The following RGS7BP variants were observed in gnomAD, a reference collection of about 807,000 sequenced individuals.
RGS7BP encodes regulator of G protein signaling 7 binding protein.
In RGS7BP, 9 loss-of-function variants were observed where a neutral mutation model predicts 31.3. That is an observed-to-expected ratio of 0.29 (90% CI 0.17 to 0.50). The LOEUF (loss-of-function observed/expected upper bound fraction) is 0.50. RGS7BP is among the 20% of genes least tolerant of loss of function. The pLI is 0.98. For missense variants in RGS7BP, 274 were observed against 322.0 expected (o/e 0.85, Z 1.14); for synonymous variants, 115 against 120.1 (o/e 0.96, Z 0.28).
At chr5:64,599,701 A>G (rs1243087617) in intron 5 of RGS7BP, among the ~76,000 whole-genome samples, 2 of 152,238 alleles carry the variant, frequency 1.3e-5, no homozygotes, top group Non-Finnish European at 2.9e-5. Flanking sequence ...TGACCACCAC[A>G]TGGAAGATTG....
Position 64,506,827 on chromosome 5 carries a change from T to G in RGS7BP, c.165+38T>G. The G allele has an allele frequency of 2.8e-6, 4 of 1,427,210 alleles. No homozygotes were observed. Among genetic ancestry groups the G allele is most frequent in the Non-Finnish European group, 1.9e-6 (2 of 1,050,048 alleles). The allele number at this position is 1,427,210 out of a possible 1,614,324, so 88.4% of individuals were successfully genotyped here. On this transcript the variant is annotated intron_variant, in intron 1 of 5. Coordinates refer to ENST00000334025, the MANE Select transcript of RGS7BP (RefSeq NM_001029875.3). This position sits in a 1 kb window ranked among gnomAD's most constrained non-coding sequence, Gnocchi z 4.6. ...TGCGCCTCTTTTTTTTTTTTTTTAA[T>G]TGAGAGGGGGTGGGGGGAGTCATGT...
At chr5:64,559,556 T>C (rs1742004031) in intron 2 of RGS7BP, among the ~76,000 whole-genome samples, 1 of 152,198 alleles carries the variant, frequency 6.6e-6, no homozygotes, top group African/African-American at 2.4e-5. Flanking sequence ...GCTGGCATGT[T>C]GTATTATTTC....
rs10624566 is a variant in RGS7BP, at chr5:64,556,417, CCACACACACACACACACACACA to C, written c.333-19334_333-19313del. On this transcript the variant is annotated intron_variant, in intron 2 of 5. Coordinates refer to ENST00000334025, the MANE Select transcript of RGS7BP (RefSeq NM_001029875.3). Reference sequence around the variant, plus strand: ...AAAAAAAAAAAGCAATCTTCCCCAGCCACACACACACACACACACACACACACACACACACACACACACAAAA... The same window carrying C: ...AAAAAAAAAAAGCAATCTTCCCCAGCCACACACACACACACACACACAAAA... Among the ~76,000 whole-genome samples, 194 of 125,430 alleles carry C rather than the reference CCACACACACACACACACACACA, an allele frequency of 1.5e-3. 1 individual carries two copies. The highest frequency in any genetic ancestry group is 5.4e-3 in the African/African-American group (179 of 33,442). The allele number at this position is 125,430 out of a possible 152,430, so 82.3% of individuals were successfully genotyped here. A position where few individuals can be genotyped will look rare whatever the true frequency, so the allele number is the denominator to read the frequency against.
intron 5 of RGS7BP, among the ~76,000 whole-genome samples, chr5:64,607,496 C>A (rs1214145467): frequency 6.6e-6 from 1 of 151,964 alleles, no homozygotes; most frequent in Non-Finnish European, 1.5e-5. Flanking sequence ...AAGTCATAGG[C>A]AGATTCAAAG....
chr5:64,593,391 T>G (rs1171549523), intron 3 of RGS7BP, among the ~76,000 whole-genome samples: 1 of 152,200 alleles, frequency 6.6e-6, no homozygotes, highest in Non-Finnish European at 1.5e-5. Flanking sequence ...TTGTAGGTTT[T>G]ATTTTTTATT....
At position 64,506,811 on chromosome 5, in the gene RGS7BP, T is replaced by G; in HGVS notation, c.165+22T>G. 1 of 1,092,292 alleles carries G rather than the reference T, an allele frequency of 9.2e-7. No homozygotes were observed. Among genetic ancestry groups the G allele is most frequent in the Non-Finnish European group, 1.2e-6 (1 of 811,004 alleles). 67.7% of individuals were successfully genotyped at this position (1,092,292 alleles called of 1,614,324 possible). On this transcript the variant is annotated intron_variant, in intron 1 of 5. Coordinates refer to ENST00000334025, the MANE Select transcript of RGS7BP (RefSeq NM_001029875.3). The surrounding 1 kb of genome is among the most constrained non-coding windows in gnomAD (Gnocchi z 4.6). ...GATGGTGGGTGAAAACTGCGCCTCTTTTTTTTTTTTTTTAATTGAGAGGGG... is the reference window on the plus strand; with the variant it reads ...GATGGTGGGTGAAAACTGCGCCTCTGTTTTTTTTTTTTTAATTGAGAGGGG...
intron 2 of RGS7BP, among the ~76,000 whole-genome samples, chr5:64,569,396 T>C (rs1252935080): frequency 6.6e-6 from 1 of 152,064 alleles, no homozygotes; most frequent in East Asian, 1.9e-4. Flanking sequence ...TCAACTATAA[T>C]ATGTATAGGT....
At chr5:64,538,546 CTTTTTTTTTTT>C (rs1191560944) in intron 2 of RGS7BP, among the ~76,000 whole-genome samples, 60 of 40,036 alleles carry the variant, frequency 1.5e-3, no homozygotes, top group African/African-American at 6.1e-3. Context: ...TTTTCCTTTT[CTTTTTTTTTTT>C]TTTTTTTTTT....
At chr5:64,588,184 G>A (rs1742809700) in intron 3 of RGS7BP, among the ~76,000 whole-genome samples, 1 of 152,134 alleles carries the variant, frequency 6.6e-6, no homozygotes. Context: ...AAGTAAAAAT[G>A]TTATCAATCA....
chr5:64,530,170 G>GA (rs200917312), intron 2 of RGS7BP, among the ~76,000 whole-genome samples: 2 of 151,824 alleles, frequency 1.3e-5, no homozygotes, highest in Non-Finnish European at 2.9e-5. Flanking sequence ...TTCAAATTGA[G>GA]AAAAAAAACT....
intron 2 of RGS7BP, among the ~76,000 whole-genome samples, chr5:64,567,921 T>G (rs1742209629): frequency 6.6e-6 from 1 of 150,658 alleles, no homozygotes; most frequent in Admixed American, 6.6e-5. Context: ...ATAATTGACC[T>G]TTGAAGAGCA....
intron 2 of RGS7BP, among the ~76,000 whole-genome samples, chr5:64,527,606 T>TAAAAA (rs59081277): frequency 1.2e-4 from 10 of 86,464 alleles, no homozygotes; most frequent in Admixed American, 1.4e-4. Flanking sequence ...CTTATAACAG[T>TAAAAA]AAAAAAAAAA....
chr5:64,558,309 C>T (rs1308109425), intron 2 of RGS7BP, among the ~76,000 whole-genome samples: 1 of 152,160 alleles, frequency 6.6e-6, no homozygotes, highest in Non-Finnish European at 1.5e-5. Context: ...GACAGAAGAA[C>T]ATAAATTGTG....
At chr5:64,548,478 G>A (rs756550232) in intron 2 of RGS7BP, among the ~76,000 whole-genome samples, 1 of 152,076 alleles carries the variant, frequency 6.6e-6, no homozygotes, top group Non-Finnish European at 1.5e-5. Context: ...AAGATTTGAA[G>A]TATTTTACTG....
chr5:64,532,945 C>A (rs576490353), intron 2 of RGS7BP, among the ~76,000 whole-genome samples: 2 of 152,304 alleles, frequency 1.3e-5, no homozygotes, highest in African/African-American at 4.8e-5. Context: ...TACCTCACAG[C>A]CTCATCAATA....
chr5:64,507,745 A>G lies in RGS7BP; in HGVS notation c.200A>G (p.Tyr67Cys). 2 of 1,613,390 alleles carry G rather than the reference A, an allele frequency of 1.2e-6. No individual in the cohort carries two copies. The highest frequency in any genetic ancestry group is 1.7e-6 in the Non-Finnish European group (2 of 1,179,844). Residue 67 changes from tyrosine to cysteine, a missense_variant, in exon 2 of 6, where the codon TAC (tyrosine) becomes TGC (cysteine). Physicochemically the swap from Tyr to Cys is radical, Grantham distance 194. Around this residue, in one of 3 missense-constraint regions of RGS7BP, gnomAD observed 149 missense variants for 152.6 expected, o/e 0.98. Coordinates refer to ENST00000334025, the MANE Select transcript of RGS7BP (RefSeq NM_001029875.3). The part of the protein sequence containing the change: ...VQEFNTQVAL[Y>C]RELVISIGDV... ...GAGTTCAACACACAAGTGGCCCTGTACCGAGAGCTGGTCATTTCTATTGGG... is the reference window on the plus strand; with the variant it reads ...GAGTTCAACACACAAGTGGCCCTGTGCCGAGAGCTGGTCATTTCTATTGGG...
intron 2 of RGS7BP, among the ~76,000 whole-genome samples, chr5:64,532,810 G>T (rs1262096103): frequency 6.6e-6 from 1 of 151,800 alleles, no homozygotes; most frequent in Non-Finnish European, 1.5e-5. Flanking sequence ...CTTCTCTAGT[G>T]TATTTGGGTA....
intron 2 of RGS7BP, among the ~76,000 whole-genome samples, chr5:64,526,372 C>T (rs1314354134): frequency 6.6e-6 from 1 of 152,198 alleles, no homozygotes; most frequent in African/African-American, 2.4e-5. Flanking sequence ...AGCTCAGGCC[C>T]TGGAGTGGGA....
At position 64,602,760 on chromosome 5, in the gene RGS7BP, A is replaced by C. The variant is rs1743252706; in HGVS notation, c.682+4325A>C. On this transcript the variant is annotated intron_variant, in intron 5 of 5. Transcript: ENST00000334025. ...GAAAGACGCAGAAATTAGTGCTCACAATATAATAATGCCATAACAGTTAGA... is the reference window on the plus strand; with the variant it reads ...GAAAGACGCAGAAATTAGTGCTCACCATATAATAATGCCATAACAGTTAGA... 2.0e-5 allele frequency among the ~76,000 whole-genome samples: 3 copies of C among 152,222 alleles called. No homozygotes were observed. The South Asian group carries it at 6.2e-4, about 32-fold the overall frequency.
Sources: allele counts gnomAD v4.1 joint callset (sites outside exome capture counted in the v4.1 genomes callset), GRCh38; gene constraint gnomAD v4.1.1; regional missense constraint gnomAD v4.1.1; non-coding constraint Gnocchi (gnomAD v3.1); transcripts MANE v1.5; gene names NCBI Gene and HGNC (gene_info 2026-07-23, HGNC 2026-07-21).